USP46: variants seen among roughly 807,000 people sequenced by gnomAD.
The protein encoded by USP46 is ubiquitin specific peptidase 46, also known as ubiquitin carboxyl-terminal hydrolase 46.
USP46 carries 12 observed loss-of-function variants against 44.4 expected under a neutral mutation model. The observed-to-expected ratio is 0.27, with a 90% CI of 0.17 to 0.44. The LOEUF (loss-of-function observed/expected upper bound fraction) is 0.44, where lower values mean the gene tolerates loss of function less well. Ranked by LOEUF, USP46 falls within the 20% of genes least tolerant of loss-of-function variation. The pLI is 1.00. For missense variants in USP46, 248 were observed against 444.8 expected (o/e 0.56, Z 3.98); for synonymous variants, 155 against 161.5 (o/e 0.96, Z 0.31).
chr4:52,610,397 C>T (rs1186951795), intron 5 of USP46, 144 bp downstream of exon 5: 2 of 714,882 alleles, frequency 2.8e-6, no homozygotes, highest in Non-Finnish European at 4.6e-6. Flanking sequence ...CACATAATCG[C>T]TCTTGGGAAA....
chr4:52,621,398 G>A (rs954774466), intron 4 of USP46, among the ~76,000 whole-genome samples: 1 of 152,174 alleles, frequency 6.6e-6, no homozygotes, highest in African/African-American at 2.4e-5. Flanking sequence ...GCTCACGTAT[G>A]TAATCCCAGC....
intron 4 of USP46, among the ~76,000 whole-genome samples, chr4:52,623,996 A>C (rs1411052393): frequency 3.3e-5 from 5 of 152,224 alleles, no homozygotes; most frequent in Admixed American, 6.5e-5. Context: ...TTTACCATAC[A>C]TGTTAAAGTA....
In USP46 at chr4:52,598,655, C is replaced by A; in HGVS notation, c.972G>T (p.Trp324Cys). 1 of 1,610,364 alleles carries A rather than the reference C, an allele frequency of 6.2e-7. No homozygotes were observed. The highest frequency in any genetic ancestry group is 1.3e-5 in the African/African-American group (1 of 75,000). The change falls in exon 8 of 9, where the codon TGG (tryptophan) becomes TGT (cysteine). Residue 324 changes from tryptophan (W) to cysteine (C), a missense_variant. Around this residue, in one of 5 missense-constraint regions of USP46, gnomAD observed 98 missense variants for 218.2 expected, o/e 0.45. Transcript: ENST00000441222. The part of the protein sequence containing the change: ...YITIVKSHGF[W>C]LLFDDDIVEK... ...CTACAATGTCATCATCAAACAAAAG[C>A]CAGAAGCCGTGACTTTTCACAATAG...
At chr4:52,624,085 T>C (rs1292353491) in intron 4 of USP46, among the ~76,000 whole-genome samples, 4 of 151,514 alleles carry the variant, frequency 2.6e-5, no homozygotes, top group Non-Finnish European at 5.9e-5. Context: ...AATTGCAAGG[T>C]AAAAAGGGTG....
intron 1 of USP46, among the ~76,000 whole-genome samples, chr4:52,638,409 G>C (rs1279538386): frequency 6.6e-6 from 1 of 152,010 alleles, no homozygotes; most frequent in Non-Finnish European, 1.5e-5. Context: ...GCTGCACCTG[G>C]ATTTTAAGGC....
chr4:52,592,780 A>C lies in USP46; in HGVS notation c.*4860T>G, dbSNP rs1371730545. 2 of 398,108 alleles carry C rather than the reference A, an allele frequency of 5.0e-6. No homozygotes were observed. The highest frequency in any genetic ancestry group is 7.1e-5 in the East Asian group (2 of 28,070). 24.7% of individuals were successfully genotyped at this position (398,108 alleles called of 1,614,324 possible). A position where few individuals can be genotyped will look rare whatever the true frequency, so the allele number is the denominator to read the frequency against. ...CTTGAACTCGGGAGGCAGAGGTTGC[A>C]GTGAGCTGAGATCTCATCACTGCAC... On this transcript the variant is annotated 3_prime_UTR_variant, in exon 9 of 9. Transcript: ENST00000441222.
Position 52,629,930 on chromosome 4 carries a change from A to C in USP46, c.117+1134T>G, listed in dbSNP as rs142552634. 2.7e-3 allele frequency among the ~76,000 whole-genome samples: 406 copies of C among 152,290 alleles called. 1 individual carries two copies. The highest frequency in any genetic ancestry group is 8.7e-3 in the African/African-American group (362 of 41,552). On this transcript the variant is annotated intron_variant, in intron 2 of 8. Coordinates refer to ENST00000441222, the MANE Select transcript of USP46 (RefSeq NM_022832.4). ...CCGAGGTCTGTATTACATTAAAGCCAATGTTCTTCCTATTATATCATGGGC... is the reference window on the plus strand; with the variant it reads ...CCGAGGTCTGTATTACATTAAAGCCCATGTTCTTCCTATTATATCATGGGC...
intron 1 of USP46, among the ~76,000 whole-genome samples, chr4:52,638,058 A>T (rs992009943): frequency 2.0e-5 from 3 of 152,188 alleles, no homozygotes; most frequent in African/African-American, 7.2e-5. Context: ...TCCAGGCCCT[A>T]ATCCCTAGAA....
intron 1 of USP46, among the ~76,000 whole-genome samples, chr4:52,641,478 A>C (rs1396336425): frequency 6.6e-6 from 1 of 152,238 alleles, no homozygotes; most frequent in Non-Finnish European, 1.5e-5. Context: ...TAAATGCATA[A>C]GACGGATAAA....
chr4:52,613,879 G>A (rs1038938356), intron 4 of USP46, among the ~76,000 whole-genome samples: 3 of 152,022 alleles, frequency 2.0e-5, no homozygotes, highest in African/African-American at 7.2e-5. Flanking sequence ...ACCAATCCTG[G>A]GATGACCCAG....
At chr4:52,625,293 A>G (rs982775485) in intron 4 of USP46, among the ~76,000 whole-genome samples, 1 of 152,000 alleles carries the variant, frequency 6.6e-6, no homozygotes, top group Non-Finnish European at 1.5e-5. Context: ...GAGGACAGAG[A>G]AGATTAATAA....
chr4:52,640,896 G>A (rs1444092752), intron 1 of USP46, among the ~76,000 whole-genome samples: 1 of 149,868 alleles, frequency 6.7e-6, no homozygotes, highest in African/African-American at 2.5e-5. Context: ...TAAGGCCCTC[G>A]GCAAATACCT....
intron 7 of USP46, among the ~76,000 whole-genome samples, chr4:52,601,634 A>C (rs906809284): frequency 6.6e-6 from 1 of 152,158 alleles, no homozygotes; most frequent in African/African-American, 2.4e-5. Context: ...TTATTAAGTA[A>C]TTTCTCTCAT....
intron 6 of USP46, 80 bp from the exon 7 acceptor site, chr4:52,602,134 G>T: frequency 6.9e-7 from 1 of 1,458,240 alleles, no homozygotes; most frequent in Non-Finnish European, 9.3e-7. Flanking sequence ...TGCACAAACA[G>T]AATAGTAGGA....
In USP46 at chr4:52,597,597, G is replaced by T. The variant is rs7676586; in HGVS notation, c.*43C>A. 175,793 of 1,395,488 alleles carry T rather than the reference G, an allele frequency of 0.13. 12,213 individuals are homozygous for T. The highest frequency in any genetic ancestry group is 0.29 in the African/African-American group (20,107 of 69,720). The allele number at this position is 1,395,488 out of a possible 1,614,324, so 86.4% of individuals were successfully genotyped here. ...TGCGGAGAAGCCGGGTGACAGTGCT[G>T]TGAACATTCTCCCCACGTGAATCAG... On this transcript the variant is annotated 3_prime_UTR_variant, in exon 9 of 9. Coordinates refer to ENST00000441222, the MANE Select transcript of USP46 (RefSeq NM_022832.4).
intron 1 of USP46, among the ~76,000 whole-genome samples, chr4:52,635,074 C>T (rs937846454): frequency 1.9e-4 from 29 of 149,310 alleles, no homozygotes; most frequent in Non-Finnish European, 3.9e-4. Context: ...GCTGCTTCTA[C>T]TTCTTCTTTT....
chr4:52,616,886 TA>T (rs1472687439), intron 4 of USP46, among the ~76,000 whole-genome samples: 1 of 152,098 alleles, frequency 6.6e-6, no homozygotes, highest in South Asian at 2.1e-4. Flanking sequence ...ATGGATCAAA[TA>T]AAAAAGATCA....
intron 7 of USP46, among the ~76,000 whole-genome samples, chr4:52,601,297 A>G (rs1310013102): frequency 6.6e-6 from 1 of 152,214 alleles, no homozygotes; most frequent in Non-Finnish European, 1.5e-5. Flanking sequence ...GCTCAAAGGA[A>G]TTTTGGCAAA....
At position 52,632,709 on chromosome 4, in the gene USP46, A is replaced by G. The variant is rs149357472; in HGVS notation, c.37-1565T>C. On this transcript the variant is annotated intron_variant, in intron 1 of 8. Coordinates refer to ENST00000441222, the MANE Select transcript of USP46 (RefSeq NM_022832.4). ...CACAAACCTGTAGTGCCAGCTACTC[A>G]AGAGGCTGAGGTGGAAGGAGCCTGG... 7.5e-3 allele frequency among the ~76,000 whole-genome samples: 1,130 copies of G among 151,304 alleles called. 18 individuals are homozygous for G. Among genetic ancestry groups the G allele is most frequent in the African/African-American group, 0.026 (1,077 of 41,164 alleles).
Sources: allele counts gnomAD v4.1 joint callset (sites outside exome capture counted in the v4.1 genomes callset), GRCh38; gene constraint gnomAD v4.1.1; regional missense constraint gnomAD v4.1.1; transcripts MANE v1.5; gene names NCBI Gene and HGNC (gene_info 2026-07-23, HGNC 2026-07-21).